Variants in ADCK1 observed in about 807,000 individuals in gnomAD.
ADCK1 encodes aarF domain-containing protein kinase 1.
Under a neutral mutation model 52.3 loss-of-function variants are expected in ADCK1, and 41 were observed. The observed-to-expected ratio is 0.78, with a 90% CI of 0.61 to 1.02. ADCK1 has a LOEUF of 1.02. ADCK1 is among the 50% of genes least tolerant of loss of function. The pLI, the probability that ADCK1 is intolerant of heterozygous loss-of-function variation, is 0.00. For missense variants in ADCK1, 658 were observed against 679.5 expected, an observed-to-expected ratio of 0.97 and a Z score of 0.35; for synonymous variants, 250 against 274.6, an observed-to-expected ratio of 0.91 and a Z score of 0.89.
rs147082749 is a variant in ADCK1 at position 77,925,771 on chromosome 14, C to G, written c.1016C>G (p.Thr339Arg). The part of the protein sequence containing the change: ...LLDHGLYQML[T>R]EEFRLNYCHL... Reference sequence around the variant, plus strand: ...CTGCCGCCTCCACCCTAGATGCTCACGGAAGAATTCCGCCTGAATTACTGC... The same window carrying G: ...CTGCCGCCTCCACCCTAGATGCTCAGGGAAGAATTCCGCCTGAATTACTGC... The change falls in exon 9 of 11, where the codon ACG becomes AGG. Residue 339 changes from threonine (T) to arginine (R), a missense_variant. Physicochemically the swap from Thr to Arg is moderately conservative, Grantham distance 71. Coordinates refer to ENST00000238561, the MANE Select transcript of ADCK1 (RefSeq NM_020421.4). 2 of 1,613,946 alleles carry G rather than the reference C, an allele frequency of 1.2e-6. No individual in the cohort carries two copies. Among genetic ancestry groups the G allele is most frequent in the Non-Finnish European group, 1.7e-6 (2 of 1,179,924 alleles).
intron 6 of ADCK1, among the ~76,000 whole-genome samples, chr14:77,907,419 G>T (rs2083691042): frequency 6.6e-6 from 1 of 152,250 alleles, no homozygotes; most frequent in South Asian, 2.1e-4. Context: ...GAGGCAGAGG[G>T]AGGAGTCCGA....
intron 3 of ADCK1, among the ~76,000 whole-genome samples, chr14:77,834,208 G>T (rs11622333): frequency 0.067 from 10,253 of 152,076 alleles, 384 homozygotes; most frequent in Middle Eastern, 0.12. Context: ...TCTTGGCTTT[G>T]TTCTAAGCAA....
intron 7 of ADCK1, among the ~76,000 whole-genome samples, chr14:77,917,928 C>T (rs767597307): frequency 5.9e-5 from 9 of 152,128 alleles, no homozygotes; most frequent in Non-Finnish European, 7.4e-5. Flanking sequence ...GGCAGTATAA[C>T]GGAGCGATTG....
chr14:77,853,101 G>A (rs2082348336), intron 3 of ADCK1, among the ~76,000 whole-genome samples: 1 of 146,846 alleles, frequency 6.8e-6, no homozygotes, highest in Non-Finnish European at 1.5e-5. Flanking sequence ...ATTGCATCTT[G>A]TGTGCTTTTC....
chr14:77,850,591 G>A (rs2082261762), intron 3 of ADCK1, among the ~76,000 whole-genome samples: 2 of 147,976 alleles, frequency 1.4e-5, no homozygotes, highest in South Asian at 4.3e-4. Context: ...AATCAATTTT[G>A]TCTGCTATAA....
intron 7 of ADCK1, among the ~76,000 whole-genome samples, chr14:77,909,998 C>T (rs1238403187): frequency 6.6e-6 from 1 of 152,080 alleles, no homozygotes; most frequent in Non-Finnish European, 1.5e-5. Context: ...AAAGGAGGGG[C>T]CGCATCAAAG....
intron 3 of ADCK1, among the ~76,000 whole-genome samples, chr14:77,835,815 T>C (rs2081948760): frequency 6.6e-6 from 1 of 152,188 alleles, no homozygotes; most frequent in Non-Finnish European, 1.5e-5. Context: ...TTTGTATTTT[T>C]TGTAGAGACA....
chr14:77,876,256 G>A (rs1311979142), intron 4 of ADCK1, among the ~76,000 whole-genome samples: 1 of 152,118 alleles, frequency 6.6e-6, no homozygotes, highest in East Asian at 1.9e-4. Context: ...CCCTTGGCTT[G>A]TGGCCCCTTC....
intron 1 of ADCK1, among the ~76,000 whole-genome samples, chr14:77,808,810 A>T (rs141045021): frequency 0.081 from 12,376 of 152,212 alleles, 548 homozygotes; most frequent in Middle Eastern, 0.11. Flanking sequence ...TCCTGACCTC[A>T]GGTGATCCAC....
chr14:77,844,092 G>A (rs1313820553), intron 3 of ADCK1, among the ~76,000 whole-genome samples: 1 of 151,846 alleles, frequency 6.6e-6, no homozygotes, highest in Non-Finnish European at 1.5e-5. Context: ...TCTGGAGACA[G>A]AGTCTCACTC....
At chr14:77,877,183 C>A (rs1254948916) in intron 4 of ADCK1, among the ~76,000 whole-genome samples, 1 of 152,214 alleles carries the variant, frequency 6.6e-6, no homozygotes, top group African/African-American at 2.4e-5. Flanking sequence ...CCACTGCACT[C>A]CAGCCTGGGC....
chr14:77,834,878 A>G (rs1358282979), intron 3 of ADCK1, among the ~76,000 whole-genome samples: 1 of 152,182 alleles, frequency 6.6e-6, no homozygotes, highest in Admixed American at 6.5e-5. Flanking sequence ...AAGGCCCTCT[A>G]TGGGGCAGGA....
In ADCK1 at chr14:77,852,907, A is replaced by ATTTTTTTTTTTTTT. The variant is rs71303864; in HGVS notation, c.220-6158_220-6145dup. On this transcript the variant is annotated intron_variant, in intron 3 of 10. Transcript: ENST00000238561. ...TGTATATATATATATATATATATAT[A>ATTTTTTTTTTTTTT]TTTTTTTTTTTTTTTTTTTTTTTTA... is the stretch of plus-strand genomic sequence containing the variant. Among the ~76,000 whole-genome samples, 6 of 28,956 alleles carry ATTTTTTTTTTTTTT rather than the reference A, an allele frequency of 2.1e-4. 1 individual carries two copies. The highest frequency in any genetic ancestry group is 4.4e-4 in the African/African-American group (2 of 4,504). The allele number at this position is 28,956 out of a possible 152,430, so 19.0% of individuals were successfully genotyped here.
chr14:77,913,341 C>T (rs1549118), intron 7 of ADCK1, among the ~76,000 whole-genome samples: 46,557 of 152,106 alleles, frequency 0.31, 7,305 homozygotes, highest in Middle Eastern at 0.4. Flanking sequence ...CACCTCCAGG[C>T]CCGAGACAGC....
At chr14:77,802,822 C>T (rs1364692911) in intron 1 of ADCK1, among the ~76,000 whole-genome samples, 1 of 151,868 alleles carries the variant, frequency 6.6e-6, no homozygotes. Context: ...GGCGTGGTGC[C>T]GGGTGCCTGT....
chr14:77,812,551 A>G (rs1300285897), intron 1 of ADCK1, among the ~76,000 whole-genome samples: 3 of 152,082 alleles, frequency 2.0e-5, no homozygotes, highest in African/African-American at 7.2e-5. Flanking sequence ...GTGGATGGAC[A>G]CTTAGGTTGT....
intron 2 of ADCK1, 90 bp from the exon 3 acceptor site, chr14:77,822,344 CT>C: frequency 1.0e-6 from 1 of 1,000,634 alleles, no homozygotes; most frequent in South Asian, 1.3e-5. Flanking sequence ...GACATAGCAG[CT>C]GTGTCAGGGA....
At chr14:77,920,361 G>A (rs769060206) in intron 7 of ADCK1, among the ~76,000 whole-genome samples, 107 of 152,196 alleles carry the variant, frequency 7.0e-4, no homozygotes, top group South Asian at 1.7e-3. Flanking sequence ...AGAGGGTGTC[G>A]TTTTCCACTT....
At chr14:77,800,293 G>A (rs28699349) in intron 1 of ADCK1, 123 bp downstream of exon 1, 1 of 152,384 alleles carries the variant, frequency 6.6e-6, no homozygotes, top group Admixed American at 6.5e-5. Flanking sequence ...CCTCTGCTCC[G>A]GTTGTGCAGC....
Sources: gnomAD v4.1 joint callset for allele counts (sites outside exome capture counted in the v4.1 genomes callset) on GRCh38, gnomAD v4.1.1 for gene constraint, MANE v1.5 for transcripts, NCBI Gene and HGNC (gene_info 2026-07-23, HGNC 2026-07-21) for gene names.